The following CCDC93 variants were observed in gnomAD, a reference collection of about 807,000 sequenced individuals.
CCDC93 encodes coiled-coil domain-containing protein 93.
In CCDC93, 61 loss-of-function variants were observed where a neutral mutation model predicts 108.2. The observed-to-expected ratio is 0.56, with a 90% CI of 0.46 to 0.70. CCDC93 has a LOEUF of 0.70. Among genes scored for constraint, CCDC93 ranks in the 30% least tolerant of loss-of-function variants. The pLI, the probability that CCDC93 is intolerant of heterozygous loss-of-function variation, is 0.00. For synonymous variants in CCDC93, 276 were observed against 260.4 expected (o/e 1.06, Z -0.58); for missense variants, 685 against 764.2 (o/e 0.90, Z 1.22).
chr2:117,986,261 C>T (rs935050018), intron 6 of CCDC93, among the ~76,000 whole-genome samples, 192 bp from the exon 7 acceptor site: 1 of 148,304 alleles, frequency 6.7e-6, no homozygotes, highest in Admixed American at 6.9e-5. Context: ...TCTGCCTCTA[C>T]CGTGGGGTAT....
At chr2:117,986,183 G>C in intron 6 of CCDC93, 114 bp from the exon 7 acceptor site, 1 of 343,598 alleles carries the variant, frequency 2.9e-6, no homozygotes, top group East Asian at 5.1e-5. Flanking sequence ...TTTTTTTTTT[G>C]AGACAGAGTC....
Position 117,963,352 on chromosome 2 carries a change from A to G in CCDC93, c.889-4871T>C, listed in dbSNP as rs373194127. 1.0e-3 allele frequency among the ~76,000 whole-genome samples: 153 copies of G among 152,338 alleles called. 3 individuals are homozygous for G. The South Asian group carries it at 0.028, about 28-fold the overall frequency. On this transcript the variant is annotated intron_variant, in intron 11 of 23. Coordinates refer to ENST00000376300, the MANE Select transcript of CCDC93 (RefSeq NM_019044.5). ...CAGATAACAGTTCAACTAAGTGTCT[A>G]CAGCTCTTCCACCTGTCCTTTCTAT... is the stretch of plus-strand genomic sequence containing the variant.
chr2:117,917,663 C>T lies in CCDC93; in HGVS notation c.*2680G>A, dbSNP rs1677728443. ...ACCTCCCTCTAGTGGTGTTAGCTAA[C>T]CCAGTCATCCAACAGAGACGGAGCA... is the stretch of plus-strand genomic sequence containing the variant. On this transcript the variant is annotated 3_prime_UTR_variant, in exon 24 of 24. Transcript: ENST00000376300. 6.6e-6 allele frequency: 1 copy of T among 152,248 alleles called. No individual in the cohort carries two copies. Among genetic ancestry groups the T allele is most frequent in the Admixed American group, 6.5e-5 (1 of 15,274 alleles). The allele number at this position is 152,248 out of a possible 1,614,324, so 9.4% of individuals were successfully genotyped here. A position where few individuals can be genotyped will look rare whatever the true frequency, so the allele number is the denominator to read the frequency against.
At chr2:117,979,507 C>A (rs980229230) in intron 7 of CCDC93, among the ~76,000 whole-genome samples, 1 of 152,242 alleles carries the variant, frequency 6.6e-6, no homozygotes, top group African/African-American at 2.4e-5. Context: ...TTATCTGTAT[C>A]ATTCTCCTGA....
intron 1 of CCDC93, among the ~76,000 whole-genome samples, chr2:118,009,174 C>G (rs531416332): frequency 1.3e-5 from 2 of 152,026 alleles, no homozygotes; most frequent in Non-Finnish European, 2.9e-5. Flanking sequence ...AGTTCAAGAC[C>G]AGCCTGGCCA....
Position 117,946,895 on chromosome 2 carries a change from C to T in CCDC93, c.1225-13G>A, listed in dbSNP as rs758866855. On this transcript the variant is annotated splice_polypyrimidine_tract_variant and intron_variant, in intron 15 of 23. Coordinates refer to ENST00000376300, the MANE Select transcript of CCDC93 (RefSeq NM_019044.5). ...GTGTCATCTCCTCCTTTAAAAGTGA[C>T]ATGAACTTTTACAAAATTCAGACAA... is the stretch of plus-strand genomic sequence containing the variant. The T allele has an allele frequency of 3.8e-6, 6 of 1,599,490 alleles. No individual in the cohort carries two copies. The highest frequency in any genetic ancestry group is 5.1e-6 in the Non-Finnish European group (6 of 1,166,854).
chr2:117,939,708 G>C (rs1010453210), intron 19 of CCDC93, among the ~76,000 whole-genome samples: 1 of 152,194 alleles, frequency 6.6e-6, no homozygotes, highest in Admixed American at 6.5e-5. Flanking sequence ...CCAGCCTAGT[G>C]GGGCCGGGCA....
In CCDC93 at chr2:117,958,479, C is replaced by A. The variant is rs1483446810; in HGVS notation, c.891G>T (p.Gln297His). The A allele has an allele frequency of 1.3e-6, 2 of 1,577,092 alleles. No individual in the cohort carries two copies. The highest frequency in any genetic ancestry group is 1.7e-6 in the Non-Finnish European group (2 of 1,146,514). The change falls in exon 12 of 24, where the codon CAG (glutamine) becomes CAT (histidine). Residue 297 changes from glutamine to histidine, a missense_variant and splice_region_variant. Physicochemically the swap from Gln to His is conservative, Grantham distance 24. Coordinates refer to ENST00000376300, the MANE Select transcript of CCDC93 (RefSeq NM_019044.5). ...KQIVSEYAEK[Q>H]SELSAEESPE... ...GACTTTCTTCAGCTGATAGCTCAGACTGCTGTGGAAAAAAGGGATGGCAAA... is the reference window on the plus strand; with the variant it reads ...GACTTTCTTCAGCTGATAGCTCAGAATGCTGTGGAAAAAAGGGATGGCAAA...
intron 1 of CCDC93, among the ~76,000 whole-genome samples, chr2:118,009,951 G>A (rs774899657): frequency 6.6e-6 from 1 of 151,748 alleles, no homozygotes; most frequent in Non-Finnish European, 1.5e-5. Flanking sequence ...TTGAGACAGA[G>A]TCTCGCTCTG....
intron 5 of CCDC93, 25 bp downstream of exon 5, chr2:117,996,239 A>G: frequency 6.7e-7 from 1 of 1,493,314 alleles, no homozygotes; most frequent in Non-Finnish European, 9.3e-7. Flanking sequence ...TCAGTGGGAC[A>G]AGAAAATAAA....
chr2:117,923,485 G>A (rs1038195989), intron 23 of CCDC93, among the ~76,000 whole-genome samples: 9 of 152,216 alleles, frequency 5.9e-5, no homozygotes, highest in Admixed American at 5.9e-4. Flanking sequence ...GCCTGCCTCA[G>A]AGGATCCTAC....
intron 3 of CCDC93, among the ~76,000 whole-genome samples, chr2:118,005,331 GCA>G (rs928727027): frequency 1.3e-5 from 2 of 152,130 alleles, no homozygotes; most frequent in African/African-American, 4.8e-5. Context: ...GGTAAAACTA[GCA>G]CAGAAAAAAT....
intron 11 of CCDC93, among the ~76,000 whole-genome samples, chr2:117,971,881 C>T (rs1679774982): frequency 6.6e-6 from 1 of 152,074 alleles, no homozygotes; most frequent in Admixed American, 6.5e-5. Flanking sequence ...TTTGAAAAAC[C>T]ATCAGCTTTA....
chr2:117,947,344 T>G (rs1203174232), intron 15 of CCDC93, among the ~76,000 whole-genome samples: 1 of 152,128 alleles, frequency 6.6e-6, no homozygotes, highest in East Asian at 1.9e-4. Context: ...TTTCCTCCCC[T>G]GGAGCTCACA....
chr2:117,924,359 G>A (rs928782398), intron 23 of CCDC93, among the ~76,000 whole-genome samples: 1 of 152,090 alleles, frequency 6.6e-6, no homozygotes, highest in African/African-American at 2.4e-5. Context: ...CGAACCCATG[G>A]CAAAGAAGTT....
At chr2:117,982,320 T>G (rs1311344660) in intron 7 of CCDC93, among the ~76,000 whole-genome samples, 2 of 152,130 alleles carry the variant, frequency 1.3e-5, no homozygotes, top group Non-Finnish European at 2.9e-5. Context: ...TAAGTTAGCC[T>G]CTCAAAATTG....
At chr2:117,943,886 TAGAA>T (rs765784417) in intron 18 of CCDC93, 134 bp downstream of exon 18, 138 of 555,464 alleles carry the variant, frequency 2.5e-4, no homozygotes, top group Non-Finnish European at 3.9e-4. Context: ...ACACTCCAGA[TAGAA>T]AGAAGACTGG....
chr2:117,951,806 C>T, intron 13 of CCDC93: 2 of 493,668 alleles, frequency 4.1e-6, no homozygotes, highest in Non-Finnish European at 2.7e-6. Context: ...AGCGACAATG[C>T]TGATGTGAAG....
chr2:117,920,488 A>G (rs1677825859), intron 23 of CCDC93, 92 bp from the exon 24 acceptor site: 3 of 804,066 alleles, frequency 3.7e-6, no homozygotes, highest in Admixed American at 2.3e-5. Flanking sequence ...CCATATCCCT[A>G]TGGGAGACAT....
Sources: gnomAD v4.1 joint callset for allele counts (sites outside exome capture counted in the v4.1 genomes callset) on GRCh38, gnomAD v4.1.1 for gene constraint, MANE v1.5 for transcripts, NCBI Gene and HGNC (gene_info 2026-07-23, HGNC 2026-07-21) for gene names.